Variants in CAMK2D observed in about 807,000 individuals in gnomAD.
CAMK2D encodes the protein calcium/calmodulin dependent protein kinase II delta.
A neutral mutation model predicts 84.0 loss-of-function variants in CAMK2D; 37 were observed. The observed-to-expected ratio is 0.44, with a 90% CI of 0.34 to 0.58. CAMK2D has a LOEUF of 0.58. Among genes scored for constraint, CAMK2D ranks in the 20% least tolerant of loss-of-function variants. CAMK2D has a pLI of 0.02. For missense variants in CAMK2D, 448 were observed against 652.5 expected (o/e 0.69, Z 3.41); for synonymous variants, 202 against 212.5 (o/e 0.95, Z 0.43).
At chr4:113,494,601 G>A (rs1213441370) in intron 16 of CAMK2D, among the ~76,000 whole-genome samples, 2 of 152,238 alleles carry the variant, frequency 1.3e-5, no homozygotes, top group East Asian at 3.9e-4. Flanking sequence ...TTGTTTGTCT[G>A]TGTCCTGCCC....
At chr4:113,624,972 G>A (rs2099061474) in intron 3 of CAMK2D, among the ~76,000 whole-genome samples, 1 of 152,194 alleles carries the variant, frequency 6.6e-6, no homozygotes, top group Admixed American at 6.5e-5. Flanking sequence ...GAAGTTTTGT[G>A]TATGTCCTTG....
chr4:113,456,241 T>A (rs1182590971), intron 19 of CAMK2D, among the ~76,000 whole-genome samples: 1 of 152,070 alleles, frequency 6.6e-6, no homozygotes, highest in Admixed American at 6.6e-5. Flanking sequence ...CTGGAGTGAG[T>A]TGAATGGCTG....
chr4:113,728,747 G>C (rs1219317854), intron 2 of CAMK2D, among the ~76,000 whole-genome samples: 2 of 151,930 alleles, frequency 1.3e-5, no homozygotes, highest in East Asian at 1.9e-4. Flanking sequence ...CAGTCCCCTA[G>C]TTTTCTTATT....
intron 9 of CAMK2D, among the ~76,000 whole-genome samples, chr4:113,515,655 TA>T (rs1184888209): frequency 6.6e-6 from 1 of 152,192 alleles, no homozygotes; most frequent in Non-Finnish European, 1.5e-5. Context: ...TCACAACTCA[TA>T]AGCAGTAATA....
chr4:113,460,570 T>A (rs2097360891), intron 17 of CAMK2D, among the ~76,000 whole-genome samples: 1 of 151,910 alleles, frequency 6.6e-6, no homozygotes, highest in Non-Finnish European at 1.5e-5. Context: ...TTGATTGAGG[T>A]TTACTATTTT....
chr4:113,648,392 C>T (rs539914447), intron 3 of CAMK2D, among the ~76,000 whole-genome samples: 1 of 152,172 alleles, frequency 6.6e-6, no homozygotes, highest in Non-Finnish European at 1.5e-5. Context: ...TGGTAATATA[C>T]TGTTGGGCAC....
chr4:113,479,615 C>T (rs956433350), intron 16 of CAMK2D, among the ~76,000 whole-genome samples: 2 of 152,026 alleles, frequency 1.3e-5, no homozygotes, highest in Admixed American at 1.3e-4. Context: ...TTAAAAAAAC[C>T]ATCAGTTTCG....
intron 2 of CAMK2D, among the ~76,000 whole-genome samples, chr4:113,744,971 T>G (rs370606974): frequency 6.6e-6 from 1 of 152,332 alleles, no homozygotes; most frequent in African/African-American, 2.4e-5. Context: ...TCTCAACTAG[T>G]TACACGAAAA....
intron 2 of CAMK2D, among the ~76,000 whole-genome samples, chr4:113,667,305 A>T (rs1217307189): frequency 6.6e-6 from 1 of 152,222 alleles, no homozygotes; most frequent in Non-Finnish European, 1.5e-5. Context: ...TGACTGAATA[A>T]ATGAATGAAG....
intron 2 of CAMK2D, among the ~76,000 whole-genome samples, chr4:113,739,798 T>C (rs1337746066): frequency 6.6e-6 from 1 of 152,168 alleles, no homozygotes; most frequent in Non-Finnish European, 1.5e-5. Context: ...CCTGTTTTTT[T>C]CAACTTTTAT....
intron 2 of CAMK2D, among the ~76,000 whole-genome samples, chr4:113,698,060 C>T (rs951213709): frequency 5.9e-5 from 9 of 152,058 alleles, no homozygotes; most frequent in African/African-American, 1.9e-4. Flanking sequence ...CTGAACATCA[C>T]AGCTTAACCT....
At chr4:113,475,095 C>T (rs1206574804) in intron 16 of CAMK2D, among the ~76,000 whole-genome samples, 1 of 152,160 alleles carries the variant, frequency 6.6e-6, no homozygotes, top group Non-Finnish European at 1.5e-5. Context: ...GTTTAGCTTA[C>T]AATTAATTTA....
intron 12 of CAMK2D, among the ~76,000 whole-genome samples, chr4:113,510,935 G>C (rs1338887363): frequency 1.3e-5 from 2 of 151,998 alleles, no homozygotes; most frequent in Non-Finnish European, 1.5e-5. Flanking sequence ...TGTTTGCCTG[G>C]AGCTAAAAAG....
intron 4 of CAMK2D, among the ~76,000 whole-genome samples, chr4:113,595,981 T>C (rs1193718499): frequency 1.3e-5 from 2 of 152,214 alleles, no homozygotes; most frequent in East Asian, 3.8e-4. Context: ...TGCTGTTTGA[T>C]AGCATTTTAC....
chr4:113,718,457 G>C (rs2099520210), intron 2 of CAMK2D, among the ~76,000 whole-genome samples: 1 of 152,014 alleles, frequency 6.6e-6, no homozygotes, highest in Admixed American at 6.6e-5. Context: ...ATCAGTGCAG[G>C]GTCTGCAAAA....
Position 113,456,417 on chromosome 4 carries a change from A to C in CAMK2D, c.1536-596T>G, listed in dbSNP as rs1351829378. ...AGCCTATTTTCAATTATTCCTCTTT[A>C]GTTGTAACCGGCCTTCCTTACCAAT... On this transcript the variant is annotated intron_variant, in intron 19 of 20. Coordinates refer to ENST00000511664, the MANE Select transcript of CAMK2D (RefSeq NM_001321571.2). Among the ~76,000 whole-genome samples, 3 of 152,138 alleles carry C rather than the reference A, an allele frequency of 2.0e-5. No individual in the cohort carries two copies. The East Asian group carries it at 5.8e-4, about 29-fold the overall frequency.
At chr4:113,591,187 A>C (rs1467151052) in intron 4 of CAMK2D, among the ~76,000 whole-genome samples, 1 of 137,586 alleles carries the variant, frequency 7.3e-6, no homozygotes, top group Non-Finnish European at 1.6e-5. Flanking sequence ...TCAAAATTCA[A>C]AAAAAAAAAG....
At chr4:113,544,541 T>C (rs2098553524) in intron 6 of CAMK2D, among the ~76,000 whole-genome samples, 1 of 152,192 alleles carries the variant, frequency 6.6e-6, no homozygotes, top group Non-Finnish European at 1.5e-5. Context: ...GGTTGCTAAA[T>C]TTTCGTTTAC....
intron 2 of CAMK2D, among the ~76,000 whole-genome samples, chr4:113,716,844 C>T (rs1168535704): frequency 6.6e-6 from 1 of 152,018 alleles, no homozygotes; most frequent in Non-Finnish European, 1.5e-5. Flanking sequence ...AAAACTGAAT[C>T]CCTACAAATT....
Sources: gnomAD v4.1 joint callset for allele counts (sites outside exome capture counted in the v4.1 genomes callset) on GRCh38, gnomAD v4.1.1 for gene constraint, MANE v1.5 for transcripts, NCBI Gene and HGNC (gene_info 2026-07-23, HGNC 2026-07-21) for gene names.